ZSCAN25: variants seen among roughly 807,000 people sequenced by gnomAD.
ZSCAN25 encodes the protein zinc finger and SCAN domain containing 25.
ZSCAN25 carries 27 observed loss-of-function variants against 38.7 expected under a neutral mutation model. The observed-to-expected ratio is 0.70, with a 90% CI of 0.51 to 0.96. The LOEUF (loss-of-function observed/expected upper bound fraction) is 0.96. ZSCAN25 is among the 40% of genes least tolerant of loss of function. ZSCAN25 has a pLI of 0.00. For missense variants in ZSCAN25, 637 were observed against 705.9 expected, an observed-to-expected ratio of 0.90 and a Z score of 1.11; for synonymous variants, 273 against 277.7, an observed-to-expected ratio of 0.98 and a Z score of 0.17.
the ZSCAN25 span, chr7:99,731,240 A>C: frequency 2.7e-6 from 4 of 1,482,872 alleles, no homozygotes; most frequent in Admixed American, 3.5e-5. Flanking sequence ...AACTGGAATG[A>C]TCAGGCAAAG....
the ZSCAN25 span, among the ~76,000 whole-genome samples, chr7:99,693,995 G>A: frequency 6.6e-6 from 1 of 152,220 alleles, no homozygotes; most frequent in East Asian, 1.9e-4. Context: ...AACAGAGGAG[G>A]TATTTGAAAT....
the ZSCAN25 span, among the ~76,000 whole-genome samples, chr7:99,697,273 G>A: frequency 1.2e-3 from 177 of 152,234 alleles, 1 homozygote; most frequent in African/African-American, 4.0e-3. Context: ...GATGGGTCAT[G>A]TATGGACTCC....
intron 5 of ZSCAN25, 62 bp from the exon 6 acceptor site, chr7:99,622,487 G>T (rs998529535): frequency 1.3e-6 from 2 of 1,506,514 alleles, no homozygotes; most frequent in Admixed American, 1.7e-5. Context: ...ACATTTGAAC[G>T]AGCTAACAGC....
the ZSCAN25 span, chr7:99,713,349 G>T: frequency 2.1e-6 from 3 of 1,463,000 alleles, no homozygotes; most frequent in African/African-American, 1.4e-5. Flanking sequence ...ATCCAAACCT[G>T]TGTCATTCTG....
chr7:99,629,671 A>G lies in ZSCAN25; in HGVS notation c.1286A>G (p.Lys429Arg). 1 of 1,614,116 alleles carries G rather than the reference A, an allele frequency of 6.2e-7. No individual in the cohort carries two copies. The highest frequency in any genetic ancestry group is 2.2e-5 in the East Asian group (1 of 44,880). Reference sequence around the variant, plus strand: ...CACCAGCGCAGCCACACTGGGGAGAAGCCCTACAAGTGCGGGGACTGCTGG... The same window carrying G: ...CACCAGCGCAGCCACACTGGGGAGAGGCCCTACAAGTGCGGGGACTGCTGG... Reference protein sequence around the residue: ...EVHQRSHTGEKPYKCGDCWKS... With the variant: ...EVHQRSHTGERPYKCGDCWKS... Residue 429 changes from lysine (K) to arginine (R), a missense_variant, in exon 8 of 8, where the codon AAG (lysine) becomes AGG (arginine). Coordinates refer to ENST00000394152, the MANE Select transcript of ZSCAN25 (RefSeq NM_145115.3). The surrounding 1 kb of genome is among the most constrained non-coding windows in gnomAD (Gnocchi z 5.6).
the ZSCAN25 span, among the ~76,000 whole-genome samples, chr7:99,681,733 A>G: frequency 6.6e-6 from 1 of 152,150 alleles, no homozygotes; most frequent in African/African-American, 2.4e-5. Flanking sequence ...GTGACTTTGA[A>G]AATATTTTCT....
the ZSCAN25 span, among the ~76,000 whole-genome samples, chr7:99,678,381 A>G: frequency 2.6e-5 from 4 of 152,232 alleles, no homozygotes; most frequent in Admixed American, 1.3e-4. Flanking sequence ...AGCCTTTGCT[A>G]TCGTCACTGG....
At chr7:99,674,687 G>A in the ZSCAN25 span, 49,287 of 891,674 alleles carry the variant, frequency 0.055, 1,714 homozygotes, top group Middle Eastern at 0.1. Flanking sequence ...AATCAGGCCT[G>A]CTATCTTTCA....
chr7:99,712,817 A>G, the ZSCAN25 span, among the ~76,000 whole-genome samples: 4 of 152,316 alleles, frequency 2.6e-5, no homozygotes, highest in Middle Eastern at 3.4e-3. Flanking sequence ...CATGGCCATC[A>G]TTTTGCCACT....
the ZSCAN25 span, among the ~76,000 whole-genome samples, chr7:99,639,273 C>T: frequency 2.0e-5 from 3 of 152,218 alleles, no homozygotes; most frequent in African/African-American, 7.2e-5. Context: ...AGGACTGGAA[C>T]TCCATGGACT....
the ZSCAN25 span, among the ~76,000 whole-genome samples, chr7:99,694,266 A>G: frequency 2.8e-4 from 42 of 152,252 alleles, 1 homozygote; most frequent in Middle Eastern, 3.4e-3. Context: ...TTATTTCATC[A>G]GCTCGCTCTA....
chr7:99,721,010 A>G, the ZSCAN25 span: 1 of 153,944 alleles, frequency 6.5e-6, no homozygotes, highest in East Asian at 1.9e-4. Context: ...AACAGGCAAA[A>G]CCTTCTCCCT....
At chr7:99,728,747 C>T in the ZSCAN25 span, among the ~76,000 whole-genome samples, 6 of 152,140 alleles carry the variant, frequency 3.9e-5, no homozygotes, top group South Asian at 2.1e-4. Context: ...TCCTCTAATC[C>T]CTCTACTTGT....
At chr7:99,714,150 G>T in the ZSCAN25 span, among the ~76,000 whole-genome samples, 1 of 152,294 alleles carries the variant, frequency 6.6e-6, no homozygotes, top group African/African-American at 2.4e-5. Flanking sequence ...TGGAGAATGT[G>T]TAAAATAATA....
At chr7:99,689,351 C>T in the ZSCAN25 span, among the ~76,000 whole-genome samples, 2,578 of 152,304 alleles carry the variant, frequency 0.017, 84 homozygotes, top group African/African-American at 0.057. Flanking sequence ...ACCCATCCCA[C>T]AGAAATACAA....
At chr7:99,703,093 T>C in the ZSCAN25 span, among the ~76,000 whole-genome samples, 1 of 152,246 alleles carries the variant, frequency 6.6e-6, no homozygotes, top group Non-Finnish European at 1.5e-5. Flanking sequence ...GTTGATTTTG[T>C]ATCCTGCAAC....
the ZSCAN25 span, chr7:99,648,233 G>A: frequency 1.3e-6 from 2 of 1,559,688 alleles, no homozygotes; most frequent in Non-Finnish European, 1.7e-6. Context: ...AGGTTTTATT[G>A]ACTAAGTTGA....
At position 99,630,257 on chromosome 7, in the gene ZSCAN25, G is replaced by A; in HGVS notation, c.*237G>A. ...ATGTTTGAGGGAAGCAGTCTCCTGC[G>A]GTTCAGTTCAGGCTGAGATTTTCTC... On this transcript the variant is annotated 3_prime_UTR_variant, in exon 8 of 8. Coordinates refer to ENST00000394152, the MANE Select transcript of ZSCAN25 (RefSeq NM_145115.3). The A allele has an allele frequency of 4.5e-6, 6 of 1,321,798 alleles. No homozygotes were observed. The highest frequency in any genetic ancestry group is 2.3e-5 in the South Asian group (1 of 44,008). 81.9% of individuals were successfully genotyped at this position (1,321,798 alleles called of 1,614,324 possible).
At chr7:99,714,454 A>C in the ZSCAN25 span, 1 of 1,545,364 alleles carries the variant, frequency 6.5e-7, no homozygotes, top group African/African-American at 1.4e-5. Context: ...TTATGTTAAA[A>C]TCTTTCTCTA....
Sources: gnomAD v4.1 joint callset for allele counts (sites outside exome capture counted in the v4.1 genomes callset) on GRCh38, gnomAD v4.1.1 for gene constraint, Gnocchi (gnomAD v3.1) non-coding constraint, MANE v1.5 for transcripts, NCBI Gene and HGNC (gene_info 2026-07-23, HGNC 2026-07-21) for gene names.